RIT2: variants seen among roughly 807,000 people sequenced by gnomAD.
RIT2 encodes the protein Ras like without CAAX 2.
A neutral mutation model predicts 23.7 loss-of-function variants in RIT2; 24 were observed. The observed-to-expected ratio is 1.01, with a 90% CI of 0.73 to 1.43. The LOEUF is 1.43. Ranked by LOEUF, RIT2 falls within the 40% of genes most tolerant of loss-of-function variation. The pLI is 0.00. For synonymous variants in RIT2, 107 were observed against 91.1 expected (o/e 1.17, Z -0.99); for missense variants, 236 against 266.9 (o/e 0.88, Z 0.81).
chr18:42,893,961 A>G (rs1266077676), intron 4 of RIT2, among the ~76,000 whole-genome samples: 1 of 152,224 alleles, frequency 6.6e-6, no homozygotes, highest in African/African-American at 2.4e-5. Flanking sequence ...CAAAATTATT[A>G]CATTTAAAAG....
chr18:42,990,912 GT>G (rs77172671), intron 2 of RIT2, among the ~76,000 whole-genome samples: 228 of 133,092 alleles, frequency 1.7e-3, no homozygotes, highest in African/African-American at 5.9e-3. Context: ...CACTGGTTTT[GT>G]TTTTTTTTTT....
chr18:42,800,019 C>G (rs1344342727), intron 4 of RIT2, among the ~76,000 whole-genome samples: 1 of 152,136 alleles, frequency 6.6e-6, no homozygotes, highest in Non-Finnish European at 1.5e-5. Flanking sequence ...CATAAAGTTA[C>G]AGAATGTTCC....
At chr18:42,960,164 G>A (rs1910063604) in intron 3 of RIT2, among the ~76,000 whole-genome samples, 2 of 152,170 alleles carry the variant, frequency 1.3e-5, no homozygotes, top group African/African-American at 4.8e-5. Flanking sequence ...CATCTTAGAA[G>A]AGAATTAAGG....
At chr18:43,028,747 T>A (rs1280635835) in intron 2 of RIT2, among the ~76,000 whole-genome samples, 1 of 151,934 alleles carries the variant, frequency 6.6e-6, no homozygotes, top group African/African-American at 2.4e-5. Context: ...AATAATTGGA[T>A]ACATTAATCT....
intron 4 of RIT2, among the ~76,000 whole-genome samples, chr18:42,830,731 A>G (rs1205073329): frequency 2.0e-5 from 3 of 152,196 alleles, no homozygotes; most frequent in African/African-American, 7.2e-5. Flanking sequence ...AAATATAAAA[A>G]CAATAGATGC....
At chr18:42,891,659 G>A (rs1908179102) in intron 4 of RIT2, among the ~76,000 whole-genome samples, 1 of 152,136 alleles carries the variant, frequency 6.6e-6, no homozygotes, top group Non-Finnish European at 1.5e-5. Flanking sequence ...GCTACATGCT[G>A]TATAATTCAA....
chr18:43,077,408 A>G (rs1913051531), intron 1 of RIT2, among the ~76,000 whole-genome samples: 1 of 151,730 alleles, frequency 6.6e-6, no homozygotes, highest in Non-Finnish European at 1.5e-5. Flanking sequence ...CATGGCCAAA[A>G]TACTCTTTTC....
intron 3 of RIT2, among the ~76,000 whole-genome samples, chr18:42,943,400 C>A (rs543942552): frequency 6.6e-6 from 1 of 152,132 alleles, no homozygotes; most frequent in Admixed American, 6.6e-5. Context: ...GAAAAGTTCT[C>A]CAAGTCCCCA....
chr18:42,752,552 C>A (rs184090134), intron 4 of RIT2, among the ~76,000 whole-genome samples: 1 of 152,114 alleles, frequency 6.6e-6, no homozygotes, highest in Non-Finnish European at 1.5e-5. Flanking sequence ...CATTAAGCAC[C>A]GCTTCCCTTC....
chr18:43,108,768 T>C (rs937286530), intron 1 of RIT2, among the ~76,000 whole-genome samples: 1 of 152,242 alleles, frequency 6.6e-6, no homozygotes, highest in African/African-American at 2.4e-5. Flanking sequence ...ACCTCTTGGC[T>C]AATGCTTCCT....
At chr18:42,947,071 A>G (rs1379587060) in intron 3 of RIT2, among the ~76,000 whole-genome samples, 1 of 152,118 alleles carries the variant, frequency 6.6e-6, no homozygotes, top group Non-Finnish European at 1.5e-5. Flanking sequence ...TGGATACACT[A>G]TAGAATTTCC....
intron 4 of RIT2, among the ~76,000 whole-genome samples, chr18:42,886,527 C>T (rs1908027084): frequency 6.6e-6 from 1 of 152,164 alleles, no homozygotes; most frequent in South Asian, 2.1e-4. Context: ...TCAAGTAGGT[C>T]TGCCAGACCA....
At chr18:42,878,480 C>G (rs1293752119) in intron 4 of RIT2, among the ~76,000 whole-genome samples, 3 of 151,674 alleles carry the variant, frequency 2.0e-5, no homozygotes, top group Admixed American at 2.0e-4. Flanking sequence ...GCTGGTCTTA[C>G]TATCTCAGGG....
At chr18:42,892,422 C>A (rs778103224) in intron 4 of RIT2, among the ~76,000 whole-genome samples, 33 of 152,230 alleles carry the variant, frequency 2.2e-4, no homozygotes, top group Admixed American at 3.3e-4. Context: ...TAAACTATGA[C>A]TAAAAATAAT....
chr18:42,896,806 G>A (rs1207946201), intron 4 of RIT2, among the ~76,000 whole-genome samples: 2 of 152,150 alleles, frequency 1.3e-5, no homozygotes, highest in Non-Finnish European at 2.9e-5. Flanking sequence ...TATTTACTGT[G>A]TGAATACAAT....
intron 4 of RIT2, among the ~76,000 whole-genome samples, chr18:42,817,491 A>G (rs1906031582): frequency 6.6e-6 from 1 of 152,160 alleles, no homozygotes; most frequent in Non-Finnish European, 1.5e-5. Context: ...AGATGTCATA[A>G]TTATGGTATG....
chr18:42,902,421 C>G (rs770646654), intron 4 of RIT2, among the ~76,000 whole-genome samples: 2 of 151,356 alleles, frequency 1.3e-5, no homozygotes, highest in Non-Finnish European at 3.0e-5. Context: ...AGTGAAAGTC[C>G]CATAGGGAGC....
intron 4 of RIT2, among the ~76,000 whole-genome samples, chr18:42,769,191 A>G (rs1913492015): frequency 6.6e-6 from 1 of 152,182 alleles, no homozygotes; most frequent in Non-Finnish European, 1.5e-5. Flanking sequence ...ATATATTCTG[A>G]TAATATCGTT....
Position 42,875,331 on chromosome 18 carries a change from T to TC in RIT2, c.426+48240_426+48241insG, listed in dbSNP as rs1491109420. ...CCCAGTTGCCTTCTTTCTCTCTCTCTTTTTTTTTTTTTTTAAAAAAAGGTA... is the reference window on the plus strand; with the variant it reads ...CCCAGTTGCCTTCTTTCTCTCTCTCTCTTTTTTTTTTTTTTAAAAAAAGGTA... On this transcript the variant is annotated intron_variant, in intron 4 of 4. Transcript: ENST00000326695. 7.3e-3 allele frequency among the ~76,000 whole-genome samples: 1,037 copies of TC among 141,128 alleles called. 3 individuals are homozygous for TC. The highest frequency in any genetic ancestry group is 0.013 in the Non-Finnish European group (852 of 64,078). 92.6% of individuals were successfully genotyped at this position (141,128 alleles called of 152,430 possible).
Sources: gnomAD v4.1 joint callset for allele counts (sites outside exome capture counted in the v4.1 genomes callset) on GRCh38, gnomAD v4.1.1 for gene constraint, MANE v1.5 for transcripts, NCBI Gene and HGNC (gene_info 2026-07-23, HGNC 2026-07-21) for gene names.